The following CSMD1 variants were observed in gnomAD, a reference collection of about 807,000 sequenced individuals.
CSMD1 encodes CUB and Sushi multiple domains 1, also known as CUB and sushi domain-containing protein 1.
A neutral mutation model predicts 417.5 loss-of-function variants in CSMD1; 213 were observed. The observed-to-expected ratio is 0.51, with a 90% CI of 0.46 to 0.57. The LOEUF is 0.57. CSMD1 is among the 20% of genes least tolerant of loss of function. CSMD1 has a pLI of 0.00. For missense variants in CSMD1, 6,923 were observed against 4,529.7 expected (o/e 1.53, Z -15.17); for synonymous variants, 2,862 against 1,736.8 (o/e 1.65, Z -16.11).
intron 12 of CSMD1, among the ~76,000 whole-genome samples, chr8:3,451,134 T>A (rs1220551909): frequency 1.3e-5 from 2 of 152,238 alleles, no homozygotes; most frequent in African/African-American, 4.8e-5. Context: ...TGTCTGTTCA[T>A]ATCCTTCGCC....
intron 5 of CSMD1, among the ~76,000 whole-genome samples, chr8:3,910,097 A>G (rs1808364911): frequency 1.3e-5 from 2 of 152,198 alleles, no homozygotes; most frequent in South Asian, 4.1e-4. Context: ...TGGGGAAAGG[A>G]GAACGGAACA....
At chr8:3,521,231 A>G (rs1797495602) in intron 10 of CSMD1, among the ~76,000 whole-genome samples, 1 of 152,036 alleles carries the variant, frequency 6.6e-6, no homozygotes, top group East Asian at 1.9e-4. Flanking sequence ...CTGGTTTCTC[A>G]CTGTTGCTGA....
At chr8:3,731,717 G>C (rs1402952404) in intron 6 of CSMD1, among the ~76,000 whole-genome samples, 1 of 152,146 alleles carries the variant, frequency 6.6e-6, no homozygotes. Flanking sequence ...GAGGCTTAGA[G>C]CACAGAATTT....
chr8:4,420,973 C>A (rs1797219526), intron 2 of CSMD1, among the ~76,000 whole-genome samples: 1 of 152,166 alleles, frequency 6.6e-6, no homozygotes, highest in African/African-American at 2.4e-5. Context: ...ATCTTCAACT[C>A]TCAAATTGTA....
intron 5 of CSMD1, among the ~76,000 whole-genome samples, chr8:3,991,217 G>C (rs1451837858): frequency 6.6e-6 from 1 of 152,202 alleles, no homozygotes; most frequent in Non-Finnish European, 1.5e-5. Flanking sequence ...GCATGTGAAA[G>C]AAAGCCACCA....
At chr8:3,587,556 T>C (rs982231998) in intron 8 of CSMD1, among the ~76,000 whole-genome samples, 1 of 152,088 alleles carries the variant, frequency 6.6e-6, no homozygotes, top group Non-Finnish European at 1.5e-5. Context: ...AAAATCCATA[T>C]CTATAATATC....
chr8:3,308,731 A>AATTTTTTTTTTTTTT (rs750152499), intron 23 of CSMD1, among the ~76,000 whole-genome samples: 2 of 75,828 alleles, frequency 2.6e-5, no homozygotes, highest in Non-Finnish European at 5.0e-5. Flanking sequence ...CCTACTTACA[A>AATTTTTTTTTTTTTT]GTTTTTTTTT....
At chr8:3,577,207 T>C (rs759516147) in intron 9 of CSMD1, among the ~76,000 whole-genome samples, 2 of 151,790 alleles carry the variant, frequency 1.3e-5, no homozygotes, top group Admixed American at 1.3e-4. Flanking sequence ...TTATGAAAAT[T>C]GGCTACCAGC....
intron 42 of CSMD1, chr8:3,113,388 G>A (rs1022209449): frequency 6.6e-6 from 1 of 152,274 alleles, no homozygotes; most frequent in Non-Finnish European, 1.5e-5. Context: ...GTGGGAGAGA[G>A]CGTTGCTGGG....
intron 15 of CSMD1, among the ~76,000 whole-genome samples, chr8:3,403,523 C>T (rs879365646): frequency 6.6e-6 from 1 of 152,150 alleles, no homozygotes; most frequent in Non-Finnish European, 1.5e-5. Context: ...TGTTAACAAC[C>T]TATAGCTGGG....
intron 3 of CSMD1, among the ~76,000 whole-genome samples, chr8:4,359,637 T>C (rs776198645): frequency 5.3e-5 from 8 of 152,218 alleles, no homozygotes; most frequent in Non-Finnish European, 8.8e-5. Context: ...GTTTGAGTCA[T>C]GCTCCCCTTG....
intron 2 of CSMD1, among the ~76,000 whole-genome samples, chr8:4,518,639 A>G (rs1037598650): frequency 6.3e-5 from 9 of 142,138 alleles, no homozygotes; most frequent in African/African-American, 2.3e-4. Context: ...GGGGGGAGGA[A>G]TCGCATTAGG....
intron 52 of CSMD1, among the ~76,000 whole-genome samples, chr8:3,001,387 C>A (rs1807392675): frequency 6.6e-6 from 1 of 152,016 alleles, no homozygotes; most frequent in Non-Finnish European, 1.5e-5. Flanking sequence ...TCTCTCTCTC[C>A]CTTCCTCGCA....
intron 11 of CSMD1, among the ~76,000 whole-genome samples, chr8:3,470,066 C>T (rs537549470): frequency 6.6e-6 from 1 of 152,276 alleles, no homozygotes; most frequent in African/African-American, 2.4e-5. Flanking sequence ...TGAACCGCCA[C>T]ACAGATCAAC....
intron 47 of CSMD1, 137 bp downstream of exon 47, chr8:3,096,712 G>C (rs1162201331): frequency 3.1e-6 from 2 of 642,182 alleles, no homozygotes; most frequent in African/African-American, 1.8e-5. Context: ...CCCCAAACTA[G>C]TTTATTTTTT....
chr8:3,732,910 C>T (rs1394670525), intron 6 of CSMD1, among the ~76,000 whole-genome samples: 1 of 152,086 alleles, frequency 6.6e-6, no homozygotes, highest in East Asian at 1.9e-4. Context: ...ATCTATCTAT[C>T]ATCTATCATA....
At chr8:4,436,789 A>G (rs959190777) in intron 2 of CSMD1, among the ~76,000 whole-genome samples, 10 of 152,104 alleles carry the variant, frequency 6.6e-5, no homozygotes, top group Non-Finnish European at 1.2e-4. Context: ...TTCAGTGCCT[A>G]CCTTATTTCA....
chr8:3,077,556 A>G (rs993817260), intron 49 of CSMD1, among the ~76,000 whole-genome samples: 2 of 152,202 alleles, frequency 1.3e-5, no homozygotes, highest in African/African-American at 2.4e-5. Flanking sequence ...TCCAGAACGT[A>G]GTAGTCACTT....
intron 2 of CSMD1, among the ~76,000 whole-genome samples, chr8:4,529,708 G>A (rs966684717): frequency 1.5e-4 from 23 of 151,974 alleles, no homozygotes; most frequent in Admixed American, 1.5e-3. Flanking sequence ...AGAATATGTG[G>A]CAATCCTACT....
Sources: allele counts gnomAD v4.1 joint callset (sites outside exome capture counted in the v4.1 genomes callset), GRCh38; gene constraint gnomAD v4.1.1; transcripts MANE v1.5; gene names NCBI Gene and HGNC (gene_info 2026-07-23, HGNC 2026-07-21).